Variants in CRBN observed in about 807,000 individuals in gnomAD.
The protein encoded by CRBN is cereblon.
In CRBN, 53 loss-of-function variants were observed where a neutral mutation model predicts 62.2. That is an observed-to-expected ratio of 0.85 (90% CI 0.68 to 1.07). The LOEUF is 1.07. CRBN is among the 50% of genes least tolerant of loss of function. CRBN has a pLI of 0.00. For synonymous variants in CRBN, 208 were observed against 176.1 expected (o/e 1.18, Z -1.43); for missense variants, 616 against 531.1 (o/e 1.16, Z -1.57).
intron 4 of CRBN, among the ~76,000 whole-genome samples, chr3:3,170,876 G>T (rs1707577992): frequency 6.6e-6 from 1 of 152,082 alleles, no homozygotes; most frequent in Non-Finnish European, 1.5e-5. Flanking sequence ...TGCCATCTTG[G>T]CTCACCACAA....
chr3:3,177,655 G>C (rs1559259779), intron 1 of CRBN, among the ~76,000 whole-genome samples: 1 of 152,144 alleles, frequency 6.6e-6, no homozygotes, highest in African/African-American at 2.4e-5. Flanking sequence ...TAGCTCAAAG[G>C]CTGGAATTAA....
chr3:3,179,348 C>G (rs1411363246), intron 1 of CRBN, among the ~76,000 whole-genome samples: 1 of 152,202 alleles, frequency 6.6e-6, no homozygotes, highest in Non-Finnish European at 1.5e-5. Context: ...ACTCAGAACA[C>G]AAGGAGGATG....
In CRBN at chr3:3,154,781, A is replaced by C; in HGVS notation, c.801T>G (p.Asn267Lys). ...IKKQLREWDENLKDDSLPSNP... is the reference protein window; with the variant it reads ...IKKQLREWDEKLKDDSLPSNP... ...TTGAAGGAAGAGAATCATCTTTTAGATTTTCATCCCATTCACGTAGCTGTT... is the reference window on the plus strand; with the variant it reads ...TTGAAGGAAGAGAATCATCTTTTAGCTTTTCATCCCATTCACGTAGCTGTT... The change falls in exon 7 of 11, where the codon AAT (asparagine) becomes AAG (lysine). Residue 267 changes from asparagine (N) to lysine (K), a missense_variant. Asn to Lys is a moderately conservative substitution (Grantham distance 94). Transcript: ENST00000231948. 3 of 1,606,736 alleles carry C rather than the reference A, an allele frequency of 1.9e-6. No individual in the cohort carries two copies. The highest frequency in any genetic ancestry group is 2.6e-6 in the Non-Finnish European group (3 of 1,173,450).
chr3:3,163,498 T>C (rs1194284186), intron 5 of CRBN, among the ~76,000 whole-genome samples: 3 of 152,230 alleles, frequency 2.0e-5, no homozygotes, highest in Non-Finnish European at 4.4e-5. Flanking sequence ...AACAAGATGC[T>C]TTAACCATAG....
chr3:3,168,592 G>C (rs1490147453), intron 4 of CRBN, among the ~76,000 whole-genome samples: 1 of 152,126 alleles, frequency 6.6e-6, no homozygotes, highest in Non-Finnish European at 1.5e-5. Context: ...ATATAACACT[G>C]TCAGACTGAC....
chr3:3,149,784 A>G (rs1706359549), downstream of CRBN: 1 of 152,170 alleles, frequency 6.6e-6, no homozygotes, highest in African/African-American at 2.4e-5. Flanking sequence ...CTCCACCTTC[A>G]AGGCATGTAT....
chr3:3,154,361 C>T, intron 7 of CRBN: 2 of 473,962 alleles, frequency 4.2e-6, no homozygotes, highest in Non-Finnish European at 7.6e-6. Flanking sequence ...AATAACTAAA[C>T]TATACCTTAT....
chr3:3,154,783 T>C lies in CRBN; in HGVS notation c.799A>G (p.Asn267Asp). 1 of 1,607,094 alleles carries C rather than the reference T, an allele frequency of 6.2e-7. No homozygotes were observed. Among genetic ancestry groups the C allele is most frequent in the Non-Finnish European group, 8.5e-7 (1 of 1,173,732 alleles). The change falls in exon 7 of 11, where the codon AAT becomes GAT. Residue 267 changes from asparagine to aspartate, a missense_variant. Coordinates refer to ENST00000231948, the MANE Select transcript of CRBN (RefSeq NM_016302.4). The stretch of plus-strand genomic sequence containing the variant: ...GAAGGAAGAGAATCATCTTTTAGAT[T>C]TTCATCCCATTCACGTAGCTGTTTC... ...IKKQLREWDE[N>D]LKDDSLPSNP...
In CRBN at chr3:3,153,729, T is replaced by TA. The variant is rs1706743294; in HGVS notation, c.951+230dup. On this transcript the variant is annotated intron_variant, in intron 8 of 10. Coordinates refer to ENST00000231948, the MANE Select transcript of CRBN (RefSeq NM_016302.4). Reference sequence around the variant, plus strand: ...TCTAGAGTAAAGGAATAGTGATATATAACCTTGGATATTTCCATGCAGAAA... The same window carrying TA: ...TCTAGAGTAAAGGAATAGTGATATATAAACCTTGGATATTTCCATGCAGAAA... 2.8e-5 allele frequency: 17 copies of TA among 613,920 alleles called. No homozygotes were observed. In the South Asian group the frequency reaches 3.4e-4, roughly 12 times the overall value. The allele number at this position is 613,920 out of a possible 1,614,324, so 38.0% of individuals were successfully genotyped here. A position where few individuals can be genotyped will look rare whatever the true frequency, so the allele number is the denominator to read the frequency against.
downstream of CRBN, chr3:3,149,765 C>CTGAT (rs1345634730): frequency 2.0e-5 from 3 of 152,262 alleles, no homozygotes; most frequent in Admixed American, 1.3e-4. Context: ...TGACACTCAA[C>CTGAT]TGATTTCACT....
At chr3:3,158,913 T>C (rs1707023286) in intron 5 of CRBN, among the ~76,000 whole-genome samples, 1 of 152,190 alleles carries the variant, frequency 6.6e-6, no homozygotes, top group South Asian at 2.1e-4. Context: ...AGGGATCTGG[T>C]GGGAGGTAAC....
At chr3:3,179,539 C>T (rs931196385) in intron 1 of CRBN, 82 bp downstream of exon 1, 2 of 1,406,292 alleles carry the variant, frequency 1.4e-6, no homozygotes, top group South Asian at 2.4e-5. Flanking sequence ...CCCCCACGCC[C>T]GCCTCCCAGG....
chr3:3,157,056 A>T (rs1337015173), intron 5 of CRBN, among the ~76,000 whole-genome samples: 1 of 152,228 alleles, frequency 6.6e-6, no homozygotes, highest in Non-Finnish European at 1.5e-5. Flanking sequence ...ACCAGTGAGA[A>T]TGGAATTTAT....
chr3:3,177,980 A>T (rs1707893318), intron 1 of CRBN, among the ~76,000 whole-genome samples: 1 of 151,550 alleles, frequency 6.6e-6, no homozygotes, highest in Non-Finnish European at 1.5e-5. Flanking sequence ...CCCTCTCCCG[A>T]CGCTTTTCTG....
intron 4 of CRBN, chr3:3,172,168 A>G (rs1707644473): frequency 6.6e-6 from 1 of 152,524 alleles, no homozygotes; most frequent in South Asian, 2.1e-4. Flanking sequence ...TAAATGTCAC[A>G]AGGCACATAG....
At chr3:3,171,310 T>C (rs896122708) in intron 4 of CRBN, among the ~76,000 whole-genome samples, 1 of 152,182 alleles carries the variant, frequency 6.6e-6, no homozygotes, top group Admixed American at 6.5e-5. Flanking sequence ...TGTATGAAGA[T>C]AAGAAGTACT....
rs1264894729 is a variant in CRBN, at chr3:3,154,085, A to G, written c.836-10T>C. ...ACTCTGTAAGAAAAATCTTCAAGAC[A>G]TGGTTTTTCAAGTTTTAAACTTAGG... On this transcript the variant is annotated splice_polypyrimidine_tract_variant and intron_variant, in intron 7 of 10. Transcript: ENST00000231948. The G allele has an allele frequency of 5.9e-6, 9 of 1,537,334 alleles. No individual in the cohort carries two copies. Among genetic ancestry groups the G allele is most frequent in the East Asian group, 4.5e-5 (2 of 44,508 alleles).
intron 5 of CRBN, among the ~76,000 whole-genome samples, chr3:3,167,078 T>C (rs711617): frequency 0.9 from 136,837 of 152,048 alleles, 63,304 homozygotes; most frequent in East Asian, 1. Flanking sequence ...AATTTTTTTT[T>C]CCTATGACAA....
intron 1 of CRBN, among the ~76,000 whole-genome samples, chr3:3,176,904 A>T (rs1356910355): frequency 6.6e-6 from 1 of 152,238 alleles, no homozygotes; most frequent in Non-Finnish European, 1.5e-5. Flanking sequence ...CACAATACAT[A>T]TGCTATTGTA....
Sources: gnomAD v4.1 joint callset for allele counts (sites outside exome capture counted in the v4.1 genomes callset) on GRCh38, gnomAD v4.1.1 for gene constraint, MANE v1.5 for transcripts, NCBI Gene and HGNC (gene_info 2026-07-23, HGNC 2026-07-21) for gene names.